GAP43: variants seen among roughly 807,000 people sequenced by gnomAD.
GAP43 encodes the protein growth associated protein 43.
A neutral mutation model predicts 18.6 loss-of-function variants in GAP43; 6 were observed. The observed-to-expected ratio is 0.32, with a 90% CI of 0.18 to 0.64. GAP43 has a LOEUF of 0.64. GAP43 is among the 30% of genes least tolerant of loss of function. The pLI, the probability that GAP43 is intolerant of heterozygous loss-of-function variation, is 0.78. For synonymous variants in GAP43, 115 were observed against 111.4 expected, an observed-to-expected ratio of 1.03 and a Z score of -0.20; for missense variants, 292 against 295.5, an observed-to-expected ratio of 0.99 and a Z score of 0.09.
chr3:115,650,633 G>C (rs1365412196), intron 1 of GAP43, among the ~76,000 whole-genome samples: 1 of 152,022 alleles, frequency 6.6e-6, no homozygotes, highest in Admixed American at 6.6e-5. Flanking sequence ...CTCTACTCTA[G>C]AGACTCAGCA....
chr3:115,632,889 G>A (rs982078287), intron 1 of GAP43, among the ~76,000 whole-genome samples: 1 of 151,956 alleles, frequency 6.6e-6, no homozygotes, highest in African/African-American at 2.4e-5. Flanking sequence ...TTTCACTCTA[G>A]CTACATCCCT....
At position 115,623,673 on chromosome 3, in the gene GAP43, C is replaced by T. The variant is rs574809763; in HGVS notation, c.-17C>T. On this transcript the variant is annotated 5_prime_UTR_variant, in exon 1 of 3. Transcript: ENST00000305124. ...GAAAGGAGAGAAGGCAGGAAGAAGGCAAGGGACGAGACAACCATGCTGTGC... is the reference window on the plus strand; with the variant it reads ...GAAAGGAGAGAAGGCAGGAAGAAGGTAAGGGACGAGACAACCATGCTGTGC... The T allele has an allele frequency of 6.2e-7, 1 of 1,613,982 alleles. No individual in the cohort carries two copies. Among genetic ancestry groups the T allele is most frequent in the South Asian group, 1.1e-5 (1 of 91,076 alleles).
chr3:115,690,125 A>G (rs1156550787), intron 2 of GAP43, among the ~76,000 whole-genome samples: 3 of 152,260 alleles, frequency 2.0e-5, no homozygotes, highest in Non-Finnish European at 2.9e-5. Flanking sequence ...TGGCTTCACA[A>G]ACAGCAGGCC....
chr3:115,690,659 T>C (rs1034515531), intron 2 of GAP43, among the ~76,000 whole-genome samples: 3 of 152,094 alleles, frequency 2.0e-5, no homozygotes, highest in East Asian at 1.9e-4. Context: ...GCCTAAGTTT[T>C]CTTCTGATAA....
chr3:115,649,531 G>A lies in GAP43; in HGVS notation c.30+25812G>A, dbSNP rs1169842343. 2.0e-5 allele frequency among the ~76,000 whole-genome samples: 3 copies of A among 152,092 alleles called. No homozygotes were observed. The East Asian group carries it at 5.8e-4, about 29-fold the overall frequency. On this transcript the variant is annotated intron_variant, in intron 1 of 2. Coordinates refer to ENST00000305124, the MANE Select transcript of GAP43 (RefSeq NM_002045.4). The stretch of plus-strand genomic sequence containing the variant: ...TGAAAGGGTAACAGAAGAAATCAAT[G>A]TGACAGTAAAGAAGGGATAAGTTCA...
At chr3:115,669,131 A>G (rs1229594914) in intron 1 of GAP43, among the ~76,000 whole-genome samples, 2 of 152,138 alleles carry the variant, frequency 1.3e-5, no homozygotes, top group Non-Finnish European at 2.9e-5. Context: ...ACGAGTCAAT[A>G]GATAAATATA....
intron 2 of GAP43, 77 bp from the exon 3 acceptor site, chr3:115,720,717 G>A (rs751214155): frequency 1.8e-4 from 154 of 850,068 alleles, no homozygotes; most frequent in Non-Finnish European, 2.6e-4. Context: ...GAAATGCATT[G>A]CACTGTTGTA....
chr3:115,684,642 G>C (rs936949098), intron 2 of GAP43, among the ~76,000 whole-genome samples: 1 of 152,162 alleles, frequency 6.6e-6, no homozygotes, highest in African/African-American at 2.4e-5. Flanking sequence ...GTCTCTCTGA[G>C]GGTGTGTGTG....
intron 2 of GAP43, among the ~76,000 whole-genome samples, chr3:115,709,472 G>A (rs1369555267): frequency 6.6e-6 from 1 of 152,146 alleles, no homozygotes; most frequent in Non-Finnish European, 1.5e-5. Context: ...AGTGAAACGG[G>A]GAGATGTAGA....
intron 1 of GAP43, among the ~76,000 whole-genome samples, chr3:115,662,897 A>C (rs529883859): frequency 1.3e-5 from 2 of 152,332 alleles, no homozygotes; most frequent in African/African-American, 4.8e-5. Flanking sequence ...TCTTTCATTC[A>C]AAGATTAGAT....
chr3:115,700,224 A>C (rs904005556), intron 2 of GAP43, among the ~76,000 whole-genome samples: 5 of 152,216 alleles, frequency 3.3e-5, no homozygotes, highest in Non-Finnish European at 7.3e-5. Context: ...CATAATAATC[A>C]TGTCTGAACG....
chr3:115,707,749 A>C lies in GAP43; in HGVS notation c.629-13045A>C, dbSNP rs1269530969. 2.0e-5 allele frequency among the ~76,000 whole-genome samples: 3 copies of C among 152,200 alleles called. No homozygotes were observed. In the South Asian group the frequency reaches 6.2e-4, roughly 32 times the overall value. On this transcript the variant is annotated intron_variant, in intron 2 of 2. Transcript: ENST00000305124. ...GTTATAAAATTAGAAGATAGGTATAAAATTAAAGTTAGCAAAAAAATGGAG... is the reference window on the plus strand; with the variant it reads ...GTTATAAAATTAGAAGATAGGTATACAATTAAAGTTAGCAAAAAAATGGAG...
At chr3:115,659,162 CG>C (rs1344136354) in intron 1 of GAP43, among the ~76,000 whole-genome samples, 1 of 151,982 alleles carries the variant, frequency 6.6e-6, no homozygotes, top group Non-Finnish European at 1.5e-5. Context: ...TCAGCAAAAG[CG>C]GACCTTTGGA....
At chr3:115,695,105 C>T (rs1345214710) in intron 2 of GAP43, among the ~76,000 whole-genome samples, 1 of 152,166 alleles carries the variant, frequency 6.6e-6, no homozygotes, top group East Asian at 1.9e-4. Flanking sequence ...CATAAACTAC[C>T]ACAGAAGTTC....
intron 2 of GAP43, among the ~76,000 whole-genome samples, chr3:115,704,464 A>G (rs1709335930): frequency 6.6e-6 from 1 of 152,116 alleles, no homozygotes; most frequent in Non-Finnish European, 1.5e-5. Context: ...TTCTTTCTGC[A>G]TAAAATATCC....
At chr3:115,685,392 A>G (rs1289763869) in intron 2 of GAP43, among the ~76,000 whole-genome samples, 3 of 152,314 alleles carry the variant, frequency 2.0e-5, no homozygotes, top group South Asian at 2.1e-4. Flanking sequence ...TCCTTTCCTC[A>G]TCTGACACAA....
intron 1 of GAP43, among the ~76,000 whole-genome samples, chr3:115,630,325 T>G (rs1179895371): frequency 6.6e-6 from 1 of 152,208 alleles, no homozygotes; most frequent in African/African-American, 2.4e-5. Context: ...AGTATCCACA[T>G]AATAATATTT....
intron 2 of GAP43, among the ~76,000 whole-genome samples, chr3:115,680,059 C>T (rs1708942070): frequency 6.6e-6 from 1 of 152,140 alleles, no homozygotes; most frequent in African/African-American, 2.4e-5. Flanking sequence ...TTCCTCCCTC[C>T]TTCCTTCCCA....
chr3:115,691,062 G>A (rs938327146), intron 2 of GAP43, among the ~76,000 whole-genome samples: 1 of 151,912 alleles, frequency 6.6e-6, no homozygotes, highest in African/African-American at 2.4e-5. Flanking sequence ...GCCCCCTCTG[G>A]GCAAATCTTA....
Sources: gnomAD v4.1 joint callset for allele counts (sites outside exome capture counted in the v4.1 genomes callset) on GRCh38, gnomAD v4.1.1 for gene constraint, MANE v1.5 for transcripts, NCBI Gene and HGNC (gene_info 2026-07-23, HGNC 2026-07-21) for gene names.